The following CHD3 variants were observed in gnomAD, a reference collection of about 807,000 sequenced individuals.
CHD3 encodes chromodomain helicase DNA binding protein 3.
In CHD3, 52 loss-of-function variants were observed where a neutral mutation model predicts 248.9. That is an observed-to-expected ratio of 0.21 (90% confidence interval 0.17 to 0.26). The LOEUF (loss-of-function observed/expected upper bound fraction) is 0.26. Ranked by LOEUF, CHD3 falls within the 10% of genes least tolerant of loss-of-function variation. The pLI is 1.00. For synonymous variants in CHD3, 985 were observed against 985.2 expected (o/e 1.00, Z 0.00); for missense variants, 1,482 against 2,605.8 (o/e 0.57, Z 9.39).
Position 7,911,118 on chromosome 17 carries a change from G to A in CHD3, c.5881+145G>A. 8.5e-7 allele frequency: 1 copy of A among 1,177,982 alleles called. No individual in the cohort carries two copies. Among genetic ancestry groups the A allele is most frequent in the Non-Finnish European group, 1.2e-6 (1 of 820,194 alleles). 73.0% of individuals were successfully genotyped at this position (1,177,982 alleles called of 1,614,324 possible). A position where few individuals can be genotyped will look rare whatever the true frequency, so the allele number is the denominator to read the frequency against. On this transcript the variant is annotated intron_variant, in intron 39 of 39. Coordinates refer to ENST00000330494, the MANE Select transcript of CHD3 (RefSeq NM_001005273.3). This position sits in a 1 kb window ranked among gnomAD's most constrained non-coding sequence, Gnocchi z 5.4. ...TTATGGGATAGAGTTGTTCTAGGCT[G>A]TCCCCCCACCCATCCCTTTCTTAAC...
intron 10 of CHD3, among the ~76,000 whole-genome samples, 178 bp from the exon 11 acceptor site, chr17:7,896,905 C>T (rs547255382): frequency 3.3e-5 from 5 of 152,174 alleles, no homozygotes; most frequent in African/African-American, 7.2e-5. Flanking sequence ...GTGATCCACC[C>T]GCCTGAGCCT....
rs368101383 is a variant in CHD3 at position 7,898,530 on chromosome 17, C to T, written c.2086C>T (p.Arg696Cys). Residue 696 changes from arginine to cysteine, a missense_variant, in exon 13 of 40, where the codon CGC (arginine) becomes TGC (cysteine). Transcript: ENST00000330494. ...LIMGEDPAQP[R>C]KYKKKKKELQ... ...TATGGGGGAAGACCCTGCCCAGCCC[C>T]GCAAGTATAAGAAGAAGAAGAAGGA... is the stretch of plus-strand genomic sequence containing the variant. 8.1e-6 allele frequency: 13 copies of T among 1,613,944 alleles called. No individual in the cohort carries two copies. The highest frequency in any genetic ancestry group is 4.5e-5 in the East Asian group (2 of 44,896).
Position 7,905,011 on chromosome 17 carries a change from C to A in CHD3, c.4073-89C>A. On this transcript the variant is annotated intron_variant, in intron 25 of 39. Transcript: ENST00000330494. The surrounding 1 kb of genome is among the most constrained non-coding windows in gnomAD (Gnocchi z 5.8). ...GGCCAGAATAAAGGTAGACAAGTCT[C>A]GGCAGGGAGGAATCCAGCCAGAAAG... 2 of 1,194,392 alleles carry A rather than the reference C, an allele frequency of 1.7e-6. No individual in the cohort carries two copies. The highest frequency in any genetic ancestry group is 1.2e-6 in the Non-Finnish European group (1 of 800,424). The allele number at this position is 1,194,392 out of a possible 1,614,324, so 74.0% of individuals were successfully genotyped here. A position where few individuals can be genotyped will look rare whatever the true frequency, so the allele number is the denominator to read the frequency against.
Position 7,898,493 on chromosome 17 carries a change from C to T in CHD3, c.2052-3C>T, listed in dbSNP as rs372057201. 3 of 1,610,746 alleles carry T rather than the reference C, an allele frequency of 1.9e-6. No individual in the cohort carries two copies. The African/African-American group carries it at 4.0e-5, about 22-fold the overall frequency. ...GCCTCATTCAGACCCACTCTTTTTC[C>T]AGAGAACTAATTATGGGGGAAGACC... On this transcript the variant is annotated splice_polypyrimidine_tract_variant and splice_region_variant and intron_variant, in intron 12 of 39. Coordinates refer to ENST00000330494, the MANE Select transcript of CHD3 (RefSeq NM_001005273.3).
At position 7,911,716 on chromosome 17, in the gene CHD3, C is replaced by T. The variant is rs1257654077; in HGVS notation, c.*131C>T. ...CATCACTGGGCTAGGAACCCCTTTG[C>T]CCCTCTCTGCAGCTCCTCTCTTCAA... On this transcript the variant is annotated 3_prime_UTR_variant, in exon 40 of 40. Coordinates refer to ENST00000330494, the MANE Select transcript of CHD3 (RefSeq NM_001005273.3). The surrounding 1 kb of genome is among the most constrained non-coding windows in gnomAD (Gnocchi z 5.4). 1 of 1,554,160 alleles carries T rather than the reference C, an allele frequency of 6.4e-7. No individual in the cohort carries two copies. The highest frequency in any genetic ancestry group is 8.7e-7 in the Non-Finnish European group (1 of 1,148,174).
Position 7,909,755 on chromosome 17 carries a change from G to A in CHD3, c.5590+417G>A, listed in dbSNP as rs1182728883. 3 of 201,256 alleles carry A rather than the reference G, an allele frequency of 1.5e-5. No individual in the cohort carries two copies. The highest frequency in any genetic ancestry group is 2.4e-5 in the African/African-American group (1 of 42,184). 12.5% of individuals were successfully genotyped at this position (201,256 alleles called of 1,614,324 possible). A position where few individuals can be genotyped will look rare whatever the true frequency, so the allele number is the denominator to read the frequency against. Reference sequence around the variant, plus strand: ...CCTCACATGTGTTTCACCCCATAAGGCAGAAACTACCACCCATCCAACCCT... The same window carrying A: ...CCTCACATGTGTTTCACCCCATAAGACAGAAACTACCACCCATCCAACCCT... On this transcript the variant is annotated intron_variant, in intron 37 of 39. Coordinates refer to ENST00000330494, the MANE Select transcript of CHD3 (RefSeq NM_001005273.3). This position sits in a 1 kb window ranked among gnomAD's most constrained non-coding sequence, Gnocchi z 8.1.
At position 7,894,928 on chromosome 17, in the gene CHD3, G is replaced by C. The variant is rs1317150153; in HGVS notation, c.1281G>C (p.Gly427=). The change falls in exon 9 of 40, where the codon GGG becomes GGC. Residue 427 remains glycine (G), a synonymous_variant. Transcript: ENST00000330494. ...CCTTGGCCCCCTAGGAGAAGGAGGG[G>C]GTCCAGTGGGAGGCCAAGGAGGAAG... The part of the protein sequence containing the change: ...KWSCPHCEKE[G]VQWEAKEEEE... 1.2e-6 allele frequency: 2 copies of C among 1,612,698 alleles called. No homozygotes were observed. Among genetic ancestry groups the C allele is most frequent in the South Asian group, 1.1e-5 (1 of 91,062 alleles).
rs745992945 is a variant in CHD3, at chr17:7,890,610, C to G, written c.253C>G (p.Arg85Gly). 1.2e-6 allele frequency: 2 copies of G among 1,603,832 alleles called. No individual in the cohort carries two copies. Among genetic ancestry groups the G allele is most frequent in the African/African-American group, 1.4e-5 (1 of 73,170 alleles). The change falls in exon 3 of 40, where the codon CGG becomes GGG. Residue 85 changes from arginine (R) to glycine (G), a missense_variant. Physicochemically the swap from Arg to Gly is moderately radical, Grantham distance 125. Around this residue, in one of 20 missense-constraint regions of CHD3, gnomAD observed 169 missense variants for 168.1 expected, o/e 1.01. Coordinates refer to ENST00000330494, the MANE Select transcript of CHD3 (RefSeq NM_001005273.3). ...ATTTGGTTCTGAGCGAGATGAGTAC[C>G]GGGAGAAGTCAGAGAGTGGGGGCAG... ...EEFGSERDEY[R>G]EKSESGGSEY...
intron 4 of CHD3, 148 bp from the exon 5 acceptor site, chr17:7,893,138 A>G (rs986562425): frequency 3.7e-5 from 46 of 1,228,584 alleles, no homozygotes; most frequent in African/African-American, 1.4e-4. Context: ...CTTTTTATTT[A>G]TTTTTTTAAA....
At position 7,910,708 on chromosome 17, in the gene CHD3, A is replaced by G; in HGVS notation, c.5754+117A>G. The G allele has an allele frequency of 2.0e-6, 3 of 1,510,682 alleles. No homozygotes were observed. The South Asian group carries it at 3.8e-5, about 19-fold the overall frequency. 93.6% of individuals were successfully genotyped at this position (1,510,682 alleles called of 1,614,324 possible). On this transcript the variant is annotated intron_variant, in intron 38 of 39. Transcript: ENST00000330494. The surrounding 1 kb of genome is among the most constrained non-coding windows in gnomAD (Gnocchi z 4.7). ...AAAAACAACTTGCTAGAACACAGTC[A>G]TCACCCTTGAGTGAGTCTCCCTGCC...
At chr17:7,898,920 C>T in intron 13 of CHD3, 91 bp from the exon 14 acceptor site, 1 of 1,159,668 alleles carries the variant, frequency 8.6e-7, no homozygotes, top group Non-Finnish European at 1.3e-6. Flanking sequence ...GAATTGTAAT[C>T]CAACTTGGTA....
chr17:7,884,961 T>G, upstream of CHD3: 3 of 1,220,676 alleles, frequency 2.5e-6, no homozygotes, highest in African/African-American at 1.6e-5. Flanking sequence ...GAGGGAGTAC[T>G]CGGGCGCGGG....
intron 21 of CHD3, 28 bp from the exon 22 acceptor site, chr17:7,902,909 A>G (rs1970484515): frequency 1.2e-6 from 2 of 1,613,312 alleles, no homozygotes; most frequent in Non-Finnish European, 1.7e-6. Context: ...GGGTACAAGA[A>G]AAACCTGATC....
rs1047150468 is a variant in CHD3, at chr17:7,907,574, C to T, written c.4925-27C>T. 2.6e-6 allele frequency: 4 copies of T among 1,514,166 alleles called. No homozygotes were observed. Among genetic ancestry groups the T allele is most frequent in the African/African-American group, 2.8e-5 (2 of 71,506 alleles). 93.8% of individuals were successfully genotyped at this position (1,514,166 alleles called of 1,614,324 possible). On this transcript the variant is annotated intron_variant, in intron 32 of 39. Transcript: ENST00000330494. This position sits in a 1 kb window ranked among gnomAD's most constrained non-coding sequence, Gnocchi z 4.3. ...TCAGGGGATGAGGGTAACATCCTCC[C>T]TTCCTATCCCCTACCCCCTCCCACA...
At position 7,892,386 on chromosome 17, in the gene CHD3, G is replaced by T. The variant is rs529399505; in HGVS notation, c.510-900G>T. ...GAGGACAAGATAAGGTGGAATGTATGTGAAAGGGTTTTATGAACTGTAAAG... is the reference window on the plus strand; with the variant it reads ...GAGGACAAGATAAGGTGGAATGTATTTGAAAGGGTTTTATGAACTGTAAAG... On this transcript the variant is annotated intron_variant, in intron 4 of 39. Transcript: ENST00000330494. 1.7e-4 allele frequency among the ~76,000 whole-genome samples: 26 copies of T among 152,208 alleles called. 1 individual carries two copies. In the South Asian group the frequency reaches 5.4e-3, roughly 32 times the overall value.
chr17:7,906,865 C>G lies in CHD3; in HGVS notation c.4504-4C>G, dbSNP rs368221837. On this transcript the variant is annotated splice_region_variant and splice_polypyrimidine_tract_variant and intron_variant, in intron 29 of 39. Transcript: ENST00000330494. The surrounding 1 kb of genome is among the most constrained non-coding windows in gnomAD (Gnocchi z 5.0). ...CACCTAACCCTCCCACCCTGCCACC[C>G]CAGGTGCAGGAGTTTGAGCACATCA... 1.8e-5 allele frequency: 29 copies of G among 1,613,944 alleles called. No individual in the cohort carries two copies. Among genetic ancestry groups the G allele is most frequent in the Non-Finnish European group, 1.7e-5 (20 of 1,179,980 alleles).
upstream of CHD3, chr17:7,885,103 C>G (rs1027113153): frequency 1.1e-5 from 11 of 967,424 alleles, no homozygotes; most frequent in Admixed American, 3.2e-4. Context: ...CGCCCCGACT[C>G]CCCCCCCAAG....
rs1254816797 is a variant in CHD3, at chr17:7,904,251, T to C, written c.3895-191T>C. The C allele has an allele frequency of 3.2e-6, 2 of 628,232 alleles. No homozygotes were observed. Among genetic ancestry groups the C allele is most frequent in the South Asian group, 2.0e-5 (1 of 49,902 alleles). The allele number at this position is 628,232 out of a possible 1,614,324, so 38.9% of individuals were successfully genotyped here. A position where few individuals can be genotyped will look rare whatever the true frequency, so the allele number is the denominator to read the frequency against. On this transcript the variant is annotated intron_variant, in intron 24 of 39. Transcript: ENST00000330494. The surrounding 1 kb of genome is among the most constrained non-coding windows in gnomAD (Gnocchi z 4.4). ...GATTAGAGGAGAGATTTAGAAAACA[T>C]GAGGAGAGCACATTGCAGGTAAGAG...
At chr17:7,886,743 GAAA>G (rs1360021784), upstream of CHD3, among the ~76,000 whole-genome samples, 1 of 152,272 alleles carries the variant, frequency 6.6e-6, no homozygotes, top group Non-Finnish European at 1.5e-5. The surrounding 1 kb of genome is among the most constrained non-coding windows in gnomAD (Gnocchi z 4.2). Context: ...TGAAAAGAGG[GAAA>G]GAAAGGCCGT....
Sources: allele counts gnomAD v4.1 joint callset (sites outside exome capture counted in the v4.1 genomes callset), GRCh38; gene constraint gnomAD v4.1.1; regional missense constraint gnomAD v4.1.1; non-coding constraint Gnocchi (gnomAD v3.1); transcripts MANE v1.5; gene names NCBI Gene and HGNC (gene_info 2026-07-23, HGNC 2026-07-21).